Variants in MCF2 observed in about 807,000 individuals in gnomAD.
The protein encoded by MCF2 is MCF.2 cell line derived transforming sequence, also known as proto-oncogene DBL.
In MCF2, 44 loss-of-function variants were observed where a neutral mutation model predicts 82.5. The observed-to-expected ratio is 0.53, with a 90% CI of 0.42 to 0.69. MCF2 has a LOEUF of 0.69. Among genes scored for constraint, MCF2 ranks in the 30% least tolerant of loss-of-function variants. MCF2 has a pLI of 0.00. For missense variants in MCF2, 623 were observed against 663.1 expected (o/e 0.94, Z 0.66); for synonymous variants, 217 against 224.9 (o/e 0.96, Z 0.32).
At chrX:139,596,485 TG>T (rs1449499090) in intron 19 of MCF2, 63 bp downstream of exon 23, 2 of 884,990 alleles carry the variant, frequency 2.3e-6, no homozygotes, top group African/African-American at 4.0e-5. Flanking sequence ...ACAAAAAAAA[TG>T]TACAAACTGG....
At chrX:139,621,573 C>T (rs943512018) in intron 6 of MCF2, among the ~76,000 whole-genome samples, 4 of 111,225 alleles carry the variant, frequency 3.6e-5, no homozygotes, top group Non-Finnish European at 5.7e-5. Context: ...GAAATAATGC[C>T]GCATATCTAC....
intron 6 of MCF2, 57 bp downstream of exon 9, chrX:139,626,136 G>T: frequency 1.5e-6 from 1 of 688,981 alleles, no homozygotes; most frequent in Non-Finnish European, 2.1e-6. Context: ...TCATGATTAA[G>T]GAGTAAAAAC....
intron 10 of MCF2, among the ~76,000 whole-genome samples, chrX:139,611,605 A>T (rs1931500744): frequency 8.9e-6 from 1 of 112,122 alleles, no homozygotes; most frequent in African/African-American, 3.2e-5. Flanking sequence ...ATATAAATAC[A>T]TACAAAATGA....
chrX:139,642,372 A>T lies in MCF2; in HGVS notation c.51+96T>A, dbSNP rs1257012378. ...CCATTCTCTCCATCTGTCCTTAAAA[A>T]CCCTACTCAGCAGTTTGTGCTATAG... On this transcript the variant is annotated intron_variant, in intron 1 of 24. Coordinates refer to ENST00000370576, the Ensembl canonical transcript of MCF2. The T allele has an allele frequency of 2.7e-6, 3 of 1,108,297 alleles. No individual in the cohort carries two copies. The East Asian group carries it at 9.0e-5, about 33-fold the overall frequency. 91.3% of individuals were successfully genotyped at this position (1,108,297 alleles called of 1,213,427 possible). A position where few individuals can be genotyped will look rare whatever the true frequency, so the allele number is the denominator to read the frequency against.
chrX:139,629,972 G>T, intron 3 of MCF2, 128 bp from the exon 7 acceptor site: 1 of 429,879 alleles, frequency 2.3e-6, no homozygotes. Flanking sequence ...ACTCTCCTCT[G>T]CTAGAGAAAT....
intron 1 of MCF2, among the ~76,000 whole-genome samples, chrX:139,656,092 C>T (rs772669208): frequency 8.9e-6 from 1 of 111,908 alleles, no homozygotes; most frequent in South Asian, 3.7e-4. Context: ...GACGGAGTCT[C>T]GCTCTGTCAC....
Position 139,604,869 on chromosome X carries a change from T to TC in MCF2, c.1672dup (p.Asp558GlyfsTer27). On this transcript the variant is annotated frameshift_variant and splice_region_variant, in exon 14 of 25. Transcript: ENST00000370576. LOFTEE classifies it high-confidence loss of function. ...AATATTCAATTCAGCAATTACATAC[T>TC]CGTTATGGAATTCATATATTTCTGC... is the stretch of plus-strand genomic sequence containing the variant. 9.7e-6 allele frequency: 11 copies of TC among 1,130,312 alleles called. No homozygotes were observed. Among genetic ancestry groups the TC allele is most frequent in the Non-Finnish European group, 1.3e-5 (11 of 828,189 alleles). 93.2% of individuals were successfully genotyped at this position (1,130,312 alleles called of 1,213,427 possible).
At chrX:139,623,707 G>A (rs988813227) in intron 6 of MCF2, among the ~76,000 whole-genome samples, 1 of 111,335 alleles carries the variant, frequency 9.0e-6, no homozygotes, top group Non-Finnish European at 1.9e-5. Context: ...TGTAACAAAC[G>A]TGCATGTGTA....
intron 1 of MCF2, among the ~76,000 whole-genome samples, chrX:139,657,010 G>A (rs374263491): frequency 9.0e-6 from 1 of 111,524 alleles, no homozygotes; most frequent in East Asian, 2.8e-4. Flanking sequence ...CATTGGACTC[G>A]TTGCTAAGCC....
chrX:139,701,326 C>T (rs1224058561), intron 1 of MCF2, among the ~76,000 whole-genome samples: 1 of 111,873 alleles, frequency 8.9e-6, no homozygotes, highest in African/African-American at 3.2e-5. Context: ...GTCAACTTGG[C>T]TAGGCTATAA....
intron 1 of MCF2, among the ~76,000 whole-genome samples, chrX:139,655,650 C>T (rs1409091751): frequency 9.0e-6 from 1 of 111,092 alleles, no homozygotes; most frequent in Non-Finnish European, 1.9e-5. Context: ...AGGTATTTCT[C>T]CTAATGTTAT....
At chrX:139,662,888 A>C (rs1934394522) in intron 1 of MCF2, among the ~76,000 whole-genome samples, 1 of 111,899 alleles carries the variant, frequency 8.9e-6, no homozygotes, top group Non-Finnish European at 1.9e-5. Flanking sequence ...TTTAAGTAAC[A>C]ACATGCAATA....
rs777068757 is a variant in MCF2, at chrX:139,670,559, G to A, written c.-44-18771C>T. On this transcript the variant is annotated intron_variant, in intron 1 of 27. Coordinates refer to the MCF2 transcript ENST00000414978. ...TTCCCACCTATGGGTCAGAACAGGC[G>A]GTGTTTGGTTTTCTGTCCTTGTGAT... Among the ~76,000 whole-genome samples, 3 of 110,401 alleles carry A rather than the reference G, an allele frequency of 2.7e-5. No individual in the cohort carries two copies. The South Asian group carries it at 1.2e-3, about 44-fold the overall frequency.
intron 1 of MCF2, among the ~76,000 whole-genome samples, chrX:139,699,382 C>T (rs1382394188): frequency 8.9e-6 from 1 of 112,020 alleles, no homozygotes; most frequent in Non-Finnish European, 1.9e-5. Flanking sequence ...ACAATTCTCC[C>T]ATTTAAAGTG....
chrX:139,660,425 C>T (rs1934324819), intron 1 of MCF2, among the ~76,000 whole-genome samples: 3 of 112,408 alleles, frequency 2.7e-5, no homozygotes, highest in African/African-American at 6.5e-5. Flanking sequence ...AAGTTCCCTA[C>T]TTCTGATGTG....
chrX:139,596,263 T>C (rs1303995260), intron 19 of MCF2, among the ~76,000 whole-genome samples: 1 of 111,315 alleles, frequency 9.0e-6, no homozygotes, highest in Admixed American at 9.5e-5. Flanking sequence ...ACACTCCTTA[T>C]CATTTCAAAC....
At chrX:139,703,518 C>G (rs1935537304) in intron 1 of MCF2, among the ~76,000 whole-genome samples, 1 of 111,749 alleles carries the variant, frequency 8.9e-6, no homozygotes, top group Non-Finnish European at 1.9e-5. Context: ...GGGGTGTCAC[C>G]TGAGGTCAGG....
In MCF2 at chrX:139,639,429, C is replaced by A. The variant is rs1229301859; in HGVS notation, c.51+3039G>T. ...GTAAAAGCGAACCAGCTGCCTATCA[C>A]ATAGGACTCGGAGCCATGTGTCCAA... On this transcript the variant is annotated intron_variant, in intron 1 of 24. Coordinates refer to ENST00000370576, the Ensembl canonical transcript of MCF2. Among the ~76,000 whole-genome samples the A allele has an allele frequency of 2.2e-4, 25 of 111,673 alleles. No homozygotes were observed. The Admixed American group carries it at 2.4e-3, about 11-fold the overall frequency.
intron 1 of MCF2, among the ~76,000 whole-genome samples, chrX:139,695,119 C>T (rs1935356584): frequency 9.2e-6 from 1 of 108,442 alleles, no homozygotes; most frequent in South Asian, 4.1e-4. Flanking sequence ...CAACCTCTGC[C>T]TCCTGGGTTC....
Sources: gnomAD v4.1 joint callset for allele counts (sites outside exome capture counted in the v4.1 genomes callset) on GRCh38, gnomAD v4.1.1 for gene constraint, MANE v1.5 for transcripts, NCBI Gene and HGNC (gene_info 2026-07-23, HGNC 2026-07-21) for gene names.